HIBCH: variants seen among roughly 807,000 people sequenced by gnomAD.
HIBCH encodes 3-hydroxyisobutyryl-CoA hydrolase, also known as 3-hydroxyisobutyryl-CoA hydrolase, mitochondrial.
HIBCH carries 50 observed loss-of-function variants against 58.2 expected under a neutral mutation model. The ratio of observed to expected loss-of-function variants is 0.86; its 90% CI spans 0.68 to 1.09. The LOEUF (loss-of-function observed/expected upper bound fraction) is 1.09, where lower values mean the gene tolerates loss of function less well. Among genes scored for constraint, HIBCH ranks in the 50% least tolerant of loss-of-function variants. HIBCH has a pLI of 0.00. For missense variants in HIBCH, 450 were observed against 449.7 expected (o/e 1.00, Z -0.01); for synonymous variants, 151 against 146.9 (o/e 1.03, Z -0.20).
rs575209930 is a variant in HIBCH at position 190,254,431 on chromosome 2, G to GA, written c.518-2125dup. Among the ~76,000 whole-genome samples the GA allele has an allele frequency of 4.3e-4, 66 of 152,088 alleles. No homozygotes were observed. The highest frequency in any genetic ancestry group is 8.3e-4 in the South Asian group (4 of 4,818). On this transcript the variant is annotated intron_variant, in intron 7 of 13. Transcript: ENST00000359678. The surrounding 1 kb of genome is among the most constrained non-coding windows in gnomAD (Gnocchi z 5.0). ...AGCCTTTCAATCTCCAGAACTGTGA[G>GA]AAAAAAAATTTCTACTGTTTAAGCA...
chr2:190,263,550 C>A (rs573367398), intron 6 of HIBCH, among the ~76,000 whole-genome samples: 81 of 152,316 alleles, frequency 5.3e-4, no homozygotes, highest in African/African-American at 1.8e-3. Context: ...CCTAGGAGAT[C>A]TCTTCCAGCC....
In HIBCH at chr2:190,206,766, A is replaced by G. The variant is rs576532101; in HGVS notation, c.1046-1534T>C. On this transcript the variant is annotated intron_variant, in intron 13 of 13. Transcript: ENST00000359678. The surrounding 1 kb of genome is among the most constrained non-coding windows in gnomAD (Gnocchi z 5.1). ...AACATTTGACTATGTAAAGAACACA[A>G]CAGTTTTCAATCTCAGAACAGACGC... 1.1e-4 allele frequency among the ~76,000 whole-genome samples: 16 copies of G among 152,328 alleles called. No individual in the cohort carries two copies. The highest frequency in any genetic ancestry group is 3.8e-4 in the African/African-American group (16 of 41,588).
intron 10 of HIBCH, 28 bp from the exon 11 acceptor site, chr2:190,244,996 CAATGTGT>C (rs1559030885): frequency 1.5e-6 from 2 of 1,347,454 alleles, no homozygotes; most frequent in Non-Finnish European, 2.1e-6. Context: ...GTGATTTCAC[CAATGTGT>C]AAGTGATTTC....
intron 4 of HIBCH, among the ~76,000 whole-genome samples, chr2:190,290,917 G>A (rs556353126): frequency 6.6e-5 from 10 of 152,142 alleles, no homozygotes; most frequent in South Asian, 4.2e-4. Context: ...AGGCTGAGCC[G>A]GGAGGATCAT....
downstream of HIBCH, chr2:190,201,837 A>G (rs954007138): frequency 6.0e-6 from 1 of 167,084 alleles, no homozygotes; most frequent in African/African-American, 2.4e-5. Context: ...AAAGTTTCCC[A>G]TAAGTATAAA....
chr2:190,293,819 G>A (rs1338541127), intron 4 of HIBCH, among the ~76,000 whole-genome samples: 1 of 151,428 alleles, frequency 6.6e-6, no homozygotes, highest in Non-Finnish European at 1.5e-5. Flanking sequence ...ATATAATATG[G>A]ACAATTATAG....
At chr2:190,271,311 G>A (rs1238304593) in intron 6 of HIBCH, among the ~76,000 whole-genome samples, 3 of 138,124 alleles carry the variant, frequency 2.2e-5, no homozygotes, top group Non-Finnish European at 4.6e-5. Context: ...TTTTTTGAGA[G>A]GGAGTCTTGC....
intron 4 of HIBCH, among the ~76,000 whole-genome samples, chr2:190,291,671 A>T (rs116739629): frequency 0.03 from 4,580 of 152,296 alleles, 108 homozygotes; most frequent in Non-Finnish European, 0.043. Flanking sequence ...GCCTGGCTTA[A>T]AAAACAAATG....
chr2:190,289,534 G>A (rs1687913470), intron 5 of HIBCH, among the ~76,000 whole-genome samples: 1 of 152,072 alleles, frequency 6.6e-6, no homozygotes, highest in Non-Finnish European at 1.5e-5. Context: ...GGAAAGTAAT[G>A]GCACTGAGGA....
At chr2:190,224,521 A>G (rs549534327) in intron 11 of HIBCH, among the ~76,000 whole-genome samples, 12 of 152,288 alleles carry the variant, frequency 7.9e-5, no homozygotes, top group African/African-American at 2.9e-4. Flanking sequence ...ACCAACAAAG[A>G]TCAAAAGAGA....
At chr2:190,298,001 T>C (rs916429192) in intron 2 of HIBCH, among the ~76,000 whole-genome samples, 9 of 147,770 alleles carry the variant, frequency 6.1e-5, no homozygotes, top group Non-Finnish European at 1.2e-4. Flanking sequence ...TGAGAACATA[T>C]GGTGTTTGGT....
intron 1 of HIBCH, among the ~76,000 whole-genome samples, chr2:190,195,229 A>C (rs1689912506): frequency 6.6e-6 from 1 of 152,216 alleles, no homozygotes; most frequent in African/African-American, 2.4e-5. Context: ...TTCACCAAGA[A>C]GGACATCTTG....
At chr2:190,297,370 G>T (rs1688130954) in intron 2 of HIBCH, among the ~76,000 whole-genome samples, 1 of 152,186 alleles carries the variant, frequency 6.6e-6, no homozygotes, top group Non-Finnish European at 1.5e-5. Context: ...ACTTGAGTTG[G>T]GGCTTGATGT....
At chr2:190,297,055 T>G in intron 2 of HIBCH, 102 bp from the exon 3 acceptor site, 1 of 1,067,718 alleles carries the variant, frequency 9.4e-7, no homozygotes, top group Non-Finnish European at 1.4e-6. Context: ...ATATTAATGG[T>G]AACTAAAGGA....
In HIBCH at chr2:190,250,011, T is replaced by C. The variant is rs182917026; in HGVS notation, c.664-285A>G. Among the ~76,000 whole-genome samples the C allele has an allele frequency of 1.7e-3, 266 of 152,296 alleles. 1 individual carries two copies. Among genetic ancestry groups the C allele is most frequent in the Non-Finnish European group, 2.0e-3 (135 of 68,022 alleles). On this transcript the variant is annotated intron_variant, in intron 8 of 13. Transcript: ENST00000359678. ...GTACTTGGAACCAAAGACCTACATA[T>C]AAATTTTATTTTATTTTTAATTAAT...
At chr2:190,284,824 T>C (rs1394722030) in intron 6 of HIBCH, among the ~76,000 whole-genome samples, 1 of 152,210 alleles carries the variant, frequency 6.6e-6, no homozygotes, top group African/African-American at 2.4e-5. Flanking sequence ...TCTTTTCACT[T>C]ATCTGAAATT....
At chr2:190,270,204 C>T (rs763480337) in intron 6 of HIBCH, among the ~76,000 whole-genome samples, 1 of 150,842 alleles carries the variant, frequency 6.6e-6, no homozygotes, top group Non-Finnish European at 1.5e-5. Flanking sequence ...ACATGTATCC[C>T]AGAGTTTAAA....
chr2:190,313,564 G>T (rs188573589), intron 1 of HIBCH, among the ~76,000 whole-genome samples: 20 of 145,916 alleles, frequency 1.4e-4, no homozygotes, highest in Admixed American at 1.2e-3. Context: ...AACAATTTTG[G>T]TATTTCTAAC....
At chr2:190,225,155 C>G (rs1173978403) in intron 11 of HIBCH, among the ~76,000 whole-genome samples, 4 of 152,060 alleles carry the variant, frequency 2.6e-5, no homozygotes, top group African/African-American at 9.7e-5. Flanking sequence ...TAAATGCCCA[C>G]AAGAGAAAGA....
Sources: gnomAD v4.1 joint callset for allele counts (sites outside exome capture counted in the v4.1 genomes callset) on GRCh38, gnomAD v4.1.1 for gene constraint, Gnocchi (gnomAD v3.1) non-coding constraint, MANE v1.5 for transcripts, NCBI Gene and HGNC (gene_info 2026-07-23, HGNC 2026-07-21) for gene names.